The following CFAP20DC variants were observed in gnomAD, a reference collection of about 807,000 sequenced individuals.
CFAP20DC encodes protein CFAP20DC.
In CFAP20DC, 84 loss-of-function variants were observed where a neutral mutation model predicts 101.7. The observed-to-expected ratio is 0.83, with a 90% CI of 0.69 to 0.99. CFAP20DC has a LOEUF of 0.99. Among genes scored for constraint, CFAP20DC ranks in the 50% least tolerant of loss-of-function variants. The probability of loss-of-function intolerance (pLI) is 0.00; values close to 1 mark genes in which losing one functional copy is unlikely to be tolerated. For synonymous variants in CFAP20DC, 359 were observed against 351.2 expected, an observed-to-expected ratio of 1.02 and a Z score of -0.25; for missense variants, 1,007 against 970.3, an observed-to-expected ratio of 1.04 and a Z score of -0.50.
At chr3:58,978,778 T>A (rs2108469516) in intron 4 of CFAP20DC, among the ~76,000 whole-genome samples, 1 of 152,046 alleles carries the variant, frequency 6.6e-6, no homozygotes, top group Non-Finnish European at 1.5e-5. Flanking sequence ...AGGGAGATAT[T>A]TCTGGACTTG....
chr3:58,920,556 T>C (rs1003674280), intron 5 of CFAP20DC, among the ~76,000 whole-genome samples: 1 of 152,198 alleles, frequency 6.6e-6, no homozygotes, highest in Non-Finnish European at 1.5e-5. Context: ...AAAGTGCTCA[T>C]AAATTTGTTC....
At chr3:58,811,872 G>A (rs147317354) in intron 14 of CFAP20DC, among the ~76,000 whole-genome samples, 3,090 of 151,742 alleles carry the variant, frequency 0.02, 99 homozygotes, top group African/African-American at 0.07. Context: ...AAAAAGAAAC[G>A]ACCCCATCAA....
In CFAP20DC at chr3:58,724,329, A is replaced by G. The variant is rs369364303; in HGVS notation, c.198-6701T>C. ...GCCTGTATAAACTGGCCATAAAAAT[A>G]TGGGACAATAAGTTGTGGAAAGCCA... On this transcript the variant is annotated intron_variant, in intron 3 of 3. Coordinates refer to the CFAP20DC transcript ENST00000486145. The surrounding 1 kb of genome is among the most constrained non-coding windows in gnomAD (Gnocchi z 5.6). Among the ~76,000 whole-genome samples the G allele has an allele frequency of 6.6e-6, 1 of 152,218 alleles. No homozygotes were observed. The highest frequency in any genetic ancestry group is 1.9e-4 in the East Asian group (1 of 5,194).
At chr3:58,947,312 A>G (rs1473491393) in intron 4 of CFAP20DC, among the ~76,000 whole-genome samples, 2 of 152,208 alleles carry the variant, frequency 1.3e-5, no homozygotes, top group Non-Finnish European at 2.9e-5. Context: ...ATTAGGGGAA[A>G]AGTTATTAAT....
At chr3:58,739,096 AT>A (rs1303911789), downstream of CFAP20DC, among the ~76,000 whole-genome samples, 1 of 152,208 alleles carries the variant, frequency 6.6e-6, no homozygotes, top group African/African-American at 2.4e-5. Flanking sequence ...ATAGGGCAAG[AT>A]TTTTTTGGCA....
In CFAP20DC at chr3:59,018,370, T is replaced by C. The variant is rs532037397; in HGVS notation, c.278+21187A>G. ...AAGATATTTATAAAGTCTCAAATTATATCCCCACAAATGACTCAACTAATA... is the reference window on the plus strand; with the variant it reads ...AAGATATTTATAAAGTCTCAAATTACATCCCCACAAATGACTCAACTAATA... On this transcript the variant is annotated intron_variant, in intron 4 of 16. Transcript: ENST00000482387. The C allele has an allele frequency of 2.0e-5, 3 of 152,236 alleles. No individual in the cohort carries two copies. In the South Asian group the frequency reaches 6.2e-4, roughly 32 times the overall value. The allele number at this position is 152,236 out of a possible 1,614,324, so 9.4% of individuals were successfully genotyped here.
chr3:58,882,295 TGA>T lies in CFAP20DC; in HGVS notation c.715+2248_715+2249del, dbSNP rs59787314. Among the ~76,000 whole-genome samples, 6,813 of 152,220 alleles carry T rather than the reference TGA, an allele frequency of 0.045. 504 individuals are homozygous for T. The highest frequency in any genetic ancestry group is 0.16 in the African/African-American group (6,455 of 41,510). On this transcript the variant is annotated intron_variant, in intron 7 of 16. Transcript: ENST00000482387. The surrounding 1 kb of genome is among the most constrained non-coding windows in gnomAD (Gnocchi z 4.2). ...AAAAGTTTGTGTTTAATTATAACAT[TGA>T]GTTAGTGATGCAATTAATATTTATC...
Position 58,785,740 on chromosome 3 carries a change from C to T in CFAP20DC, c.2237+20655G>A, listed in dbSNP as rs116399740. On this transcript the variant is annotated intron_variant, in intron 15 of 16. Coordinates refer to ENST00000482387, the MANE Select transcript of CFAP20DC (RefSeq NM_001394063.1). ...ACCAAAATATGTCCCCCAAAATATG[C>T]TTCCGTGACCTAAAAATTGTTTTCG... is the stretch of plus-strand genomic sequence containing the variant. Among the ~76,000 whole-genome samples, 474 of 152,186 alleles carry T rather than the reference C, an allele frequency of 3.1e-3. 3 individuals are homozygous for T. Among genetic ancestry groups the T allele is most frequent in the African/African-American group, 0.011 (454 of 41,544 alleles).
chr3:58,848,882 C>G, intron 13 of CFAP20DC, 150 bp downstream of exon 13: 4 of 967,940 alleles, frequency 4.1e-6, no homozygotes, highest in Non-Finnish European at 5.9e-6. Flanking sequence ...GCTGCTATTA[C>G]CAAACTAAAA....
intron 15 of CFAP20DC, among the ~76,000 whole-genome samples, chr3:58,776,362 G>C (rs1234933979): frequency 6.6e-6 from 1 of 152,076 alleles, no homozygotes; most frequent in Non-Finnish European, 1.5e-5. Context: ...AAGATAAAAG[G>C]TATCTTGGTC....
At chr3:59,012,645 A>T (rs761715944) in intron 4 of CFAP20DC, among the ~76,000 whole-genome samples, 1 of 152,250 alleles carries the variant, frequency 6.6e-6, no homozygotes, top group Non-Finnish European at 1.5e-5. Flanking sequence ...TGCATTTTAG[A>T]CATGTATTTC....
At chr3:58,890,302 C>CA (rs2082064404) in intron 6 of CFAP20DC, among the ~76,000 whole-genome samples, 1 of 139,674 alleles carries the variant, frequency 7.2e-6, no homozygotes. Context: ...GCTGTCCGGG[C>CA]GGGGGGCTGA....
chr3:59,049,087 C>T (rs1700106588), intron 1 of CFAP20DC, among the ~76,000 whole-genome samples: 1 of 152,158 alleles, frequency 6.6e-6, no homozygotes, highest in Non-Finnish European at 1.5e-5. Flanking sequence ...TTACAAGCAC[C>T]CCAAGAAAGC....
Position 58,926,368 on chromosome 3 carries a change from A to T in CFAP20DC, c.393+11280T>A, listed in dbSNP as rs78157690. On this transcript the variant is annotated intron_variant, in intron 5 of 16. Coordinates refer to ENST00000482387, the MANE Select transcript of CFAP20DC (RefSeq NM_001394063.1). Reference sequence around the variant, plus strand: ...GCGACAGAGTGCGTGAGACTCCATTAAAAAAAAAGAAGAAGAAGAAGAAAA... The same window carrying T: ...GCGACAGAGTGCGTGAGACTCCATTTAAAAAAAAGAAGAAGAAGAAGAAAA... 3.7e-3 allele frequency among the ~76,000 whole-genome samples: 564 copies of T among 150,820 alleles called. 3 individuals carry two copies. Among genetic ancestry groups the T allele is most frequent in the Non-Finnish European group, 6.1e-3 (410 of 67,608 alleles).
chr3:58,733,595 T>C (rs978268700), intron 3 of CFAP20DC, among the ~76,000 whole-genome samples: 31 of 152,312 alleles, frequency 2.0e-4, no homozygotes, highest in Admixed American at 4.6e-4. Flanking sequence ...ACACTGTTGA[T>C]TTGGTCTTGG....
intron 6 of CFAP20DC, among the ~76,000 whole-genome samples, chr3:58,887,956 A>C (rs2081797443): frequency 6.6e-6 from 1 of 152,218 alleles, no homozygotes; most frequent in Admixed American, 6.5e-5. Context: ...AAGGGACTTT[A>C]GTCTCATTTT....
At chr3:58,885,220 T>C (rs2081526554) in intron 6 of CFAP20DC, among the ~76,000 whole-genome samples, 2 of 152,196 alleles carry the variant, frequency 1.3e-5, no homozygotes, top group Admixed American at 1.3e-4. Flanking sequence ...TGTTACCCTT[T>C]ACCCAGCTTC....
intron 4 of CFAP20DC, among the ~76,000 whole-genome samples, chr3:58,961,220 T>C (rs2091106953): frequency 6.6e-6 from 1 of 152,228 alleles, no homozygotes; most frequent in Admixed American, 6.5e-5. Context: ...ATGTCTTCAT[T>C]GTCTTTGGTA....
intron 12 of CFAP20DC, among the ~76,000 whole-genome samples, chr3:58,850,850 T>C (rs1363200195): frequency 6.6e-6 from 1 of 152,080 alleles, no homozygotes; most frequent in African/African-American, 2.4e-5. Context: ...AAAACAAATA[T>C]TTGGGTGACT....
Sources: allele counts gnomAD v4.1 joint callset (sites outside exome capture counted in the v4.1 genomes callset), GRCh38; gene constraint gnomAD v4.1.1; non-coding constraint Gnocchi (gnomAD v3.1); transcripts MANE v1.5; gene names NCBI Gene and HGNC (gene_info 2026-07-23, HGNC 2026-07-21).